The following SCAMP1 variants were observed in gnomAD, a reference collection of about 807,000 sequenced individuals.
SCAMP1 encodes secretory carrier-associated membrane protein 1.
Under a neutral mutation model 41.8 loss-of-function variants are expected in SCAMP1, and 15 were observed. The ratio of observed to expected loss-of-function variants is 0.36; its 90% CI spans 0.24 to 0.55. The LOEUF (loss-of-function observed/expected upper bound fraction) is 0.55. Among genes scored for constraint, SCAMP1 ranks in the 20% least tolerant of loss-of-function variants. SCAMP1 has a pLI of 0.86. For missense variants in SCAMP1, 341 were observed against 412.6 expected (o/e 0.83, Z 1.50); for synonymous variants, 135 against 136.8 (o/e 0.99, Z 0.09).
intron 6 of SCAMP1, among the ~76,000 whole-genome samples, chr5:78,431,534 CTTTT>C (rs11380148): frequency 8.2e-6 from 1 of 121,260 alleles, no homozygotes; most frequent in African/African-American, 3.2e-5. Flanking sequence ...TTCTTTTTGC[CTTTT>C]TTTTTTTTTT....
chr5:78,387,509 T>G (rs1373049981), intron 1 of SCAMP1, among the ~76,000 whole-genome samples: 2 of 152,154 alleles, frequency 1.3e-5, no homozygotes, highest in Non-Finnish European at 2.9e-5. Flanking sequence ...TGAGCTAGTG[T>G]GATCTTTTCG....
At chr5:78,428,248 GGGT>G (rs1752515640) in intron 6 of SCAMP1, among the ~76,000 whole-genome samples, 3 of 152,088 alleles carry the variant, frequency 2.0e-5, no homozygotes, top group Non-Finnish European at 4.4e-5. Flanking sequence ...ATTTGTGTAA[GGGT>G]CTAAATGCAT....
chr5:78,404,936 G>T (rs1751896038), intron 2 of SCAMP1, among the ~76,000 whole-genome samples: 1 of 152,208 alleles, frequency 6.6e-6, no homozygotes. Flanking sequence ...TTAACTCTCA[G>T]TGTTGTCTAT....
rs748745066 is a variant in SCAMP1 at position 78,364,351 on chromosome 5, ATAAT to A, written c.57+3625_57+3628del. Reference sequence around the variant, plus strand: ...CTTTATGCTTTTGCATATTAACATGATAATTGATTGAATAAGATAGTTCATTATG... The same window carrying A: ...CTTTATGCTTTTGCATATTAACATGATGATTGAATAAGATAGTTCATTATG... On this transcript the variant is annotated intron_variant, in intron 1 of 8. Transcript: ENST00000621999. Among the ~76,000 whole-genome samples the A allele has an allele frequency of 3.3e-5, 5 of 152,326 alleles. No individual in the cohort carries two copies. In the South Asian group the frequency reaches 6.2e-4, roughly 19 times the overall value.
chr5:78,379,753 T>G (rs1334347216), intron 1 of SCAMP1, among the ~76,000 whole-genome samples: 1 of 152,214 alleles, frequency 6.6e-6, no homozygotes, highest in African/African-American at 2.4e-5. Context: ...ATTAGATGTG[T>G]GTATTTGTAA....
chr5:78,377,830 TGTA>T (rs1372526697), intron 1 of SCAMP1, among the ~76,000 whole-genome samples: 1 of 152,162 alleles, frequency 6.6e-6, no homozygotes, highest in Admixed American at 6.5e-5. Context: ...GCACTTTACA[TGTA>T]GTAACTCATG....
intron 8 of SCAMP1, among the ~76,000 whole-genome samples, chr5:78,466,369 T>C (rs552728377): frequency 6.6e-6 from 1 of 152,096 alleles, no homozygotes; most frequent in Non-Finnish European, 1.5e-5. Context: ...GTTTTGGAGG[T>C]CTTTTTAAGT....
In SCAMP1 at chr5:78,475,653, G is replaced by C. The variant is rs2112261177; in HGVS notation, c.1002G>C (p.Lys334Asn). 6.4e-7 allele frequency: 1 copy of C among 1,560,596 alleles called. No individual in the cohort carries two copies. The highest frequency in any genetic ancestry group is 1.7e-4 in the Middle Eastern group (1 of 5,770). Reference protein sequence around the residue: ...AASSAAQNAFKGNQI With the variant: ...AASSAAQNAFNGNQI ...CTAGTGCAGCTCAGAATGCTTTCAAGGGTAACCAGATTTAAGAATCTTCAA... is the reference window on the plus strand; with the variant it reads ...CTAGTGCAGCTCAGAATGCTTTCAACGGTAACCAGATTTAAGAATCTTCAA... Residue 334 changes from lysine to asparagine, a missense_variant, in exon 9 of 9, where the codon AAG becomes AAC. Lys to Asn is a moderately conservative substitution (Grantham distance 94). Coordinates refer to ENST00000621999, the MANE Select transcript of SCAMP1 (RefSeq NM_004866.6).
chr5:78,460,155 G>T (rs972378789), intron 8 of SCAMP1, among the ~76,000 whole-genome samples: 7 of 152,168 alleles, frequency 4.6e-5, no homozygotes, highest in African/African-American at 1.7e-4. Context: ...GTCTACTATT[G>T]ATGGACGCTT....
Position 78,402,576 on chromosome 5 carries a change from TTATCTC to T in SCAMP1, c.136-12941_136-12936del, listed in dbSNP as rs201100508. ...ATGTGTCATTATTTAATGCCCTTCT[TTATCTC>T]TAATAACTTTCTTTGCTTTGAGTCT... On this transcript the variant is annotated intron_variant, in intron 2 of 8. Transcript: ENST00000621999. Among the ~76,000 whole-genome samples, 170 of 152,316 alleles carry T rather than the reference TTATCTC, an allele frequency of 1.1e-3. 5 individuals are homozygous for T. The East Asian group carries it at 0.017, about 15-fold the overall frequency.
At chr5:78,402,002 C>G (rs532437125) in intron 2 of SCAMP1, among the ~76,000 whole-genome samples, 28 of 148,336 alleles carry the variant, frequency 1.9e-4, no homozygotes, top group African/African-American at 6.3e-4. Flanking sequence ...CAGCATCCCA[C>G]AAATTTTGAT....
At chr5:78,389,051 T>C in intron 2 of SCAMP1, 137 bp downstream of exon 2, 1 of 482,292 alleles carries the variant, frequency 2.1e-6, no homozygotes. Flanking sequence ...TTCAGCAAAC[T>C]TGGATTTTTT....
At chr5:78,471,698 A>G (rs1475410668) in intron 8 of SCAMP1, among the ~76,000 whole-genome samples, 2 of 152,162 alleles carry the variant, frequency 1.3e-5, no homozygotes, top group Non-Finnish European at 2.9e-5. Context: ...CTGAAGCTGC[A>G]TTAAGGAGGC....
intron 1 of SCAMP1, among the ~76,000 whole-genome samples, chr5:78,374,831 C>T (rs888187271): frequency 3.3e-5 from 5 of 151,950 alleles, no homozygotes; most frequent in East Asian, 1.9e-4. Flanking sequence ...AAGACTGTTA[C>T]GACCCTTGCC....
intron 1 of SCAMP1, among the ~76,000 whole-genome samples, chr5:78,382,277 T>C (rs1394088750): frequency 6.6e-6 from 1 of 152,216 alleles, no homozygotes; most frequent in Non-Finnish European, 1.5e-5. Flanking sequence ...ATTATGTAGT[T>C]GACTTTTGTT....
intron 1 of SCAMP1, among the ~76,000 whole-genome samples, chr5:78,384,204 T>A (rs1015736145): frequency 8.5e-5 from 12 of 141,102 alleles, no homozygotes; most frequent in African/African-American, 2.3e-4. Context: ...GCAGCTATTT[T>A]AAAAGGGGTG....
chr5:78,413,110 C>T (rs978973130), intron 2 of SCAMP1, among the ~76,000 whole-genome samples: 1 of 152,094 alleles, frequency 6.6e-6, no homozygotes, highest in Non-Finnish European at 1.5e-5. Flanking sequence ...GAATTTACCT[C>T]GAATTAATCT....
intron 6 of SCAMP1, among the ~76,000 whole-genome samples, chr5:78,426,334 G>C (rs1475524202): frequency 6.6e-6 from 1 of 152,096 alleles, no homozygotes; most frequent in Non-Finnish European, 1.5e-5. Context: ...CTGATCAAAT[G>C]GTATTTCTGG....
At chr5:78,360,918 G>T in intron 1 of SCAMP1, 190 bp downstream of exon 1, 1 of 595,024 alleles carries the variant, frequency 1.7e-6, no homozygotes, top group Non-Finnish European at 3.0e-6. Context: ...TTGGGGCTTG[G>T]GGGTGGAACC....
Sources: gnomAD v4.1 joint callset for allele counts (sites outside exome capture counted in the v4.1 genomes callset) on GRCh38, gnomAD v4.1.1 for gene constraint, MANE v1.5 for transcripts, NCBI Gene and HGNC (gene_info 2026-07-23, HGNC 2026-07-21) for gene names.